EIF2B3: variants seen among roughly 807,000 people sequenced by gnomAD.
EIF2B3 encodes translation initiation factor eIF2B subunit gamma.
EIF2B3 carries 20 observed loss-of-function variants against 54.1 expected under a neutral mutation model. The ratio of observed to expected loss-of-function variants is 0.37; its 90% CI spans 0.26 to 0.54. The LOEUF (loss-of-function observed/expected upper bound fraction) is 0.54. Among genes scored for constraint, EIF2B3 ranks in the 20% least tolerant of loss-of-function variants. The probability of loss-of-function intolerance (pLI) is 0.86; values close to 1 mark genes in which losing one functional copy is unlikely to be tolerated. For missense variants in EIF2B3, 448 were observed against 547.8 expected, an observed-to-expected ratio of 0.82 and a Z score of 1.82; for synonymous variants, 153 against 188.1, an observed-to-expected ratio of 0.81 and a Z score of 1.52.
intron 3 of EIF2B3, among the ~76,000 whole-genome samples, chr1:44,954,137 T>C (rs555509609): frequency 7.6e-4 from 116 of 152,288 alleles, no homozygotes; most frequent in African/African-American, 2.7e-3. Context: ...TCTTCATATC[T>C]ATGCAGCAAA....
At chr1:44,945,478 C>G (rs1644090508) in intron 3 of EIF2B3, among the ~76,000 whole-genome samples, 3 of 151,140 alleles carry the variant, frequency 2.0e-5, no homozygotes, top group African/African-American at 7.3e-5. Context: ...GGCATGAACC[C>G]AGGGGGCGGA....
At chr1:44,957,861 A>AT (rs1644243855) in intron 3 of EIF2B3, among the ~76,000 whole-genome samples, 1 of 152,222 alleles carries the variant, frequency 6.6e-6, no homozygotes, top group Non-Finnish European at 1.5e-5. Context: ...ACACTGTCAT[A>AT]TATTGTTGCT....
Position 44,952,193 on chromosome 1 carries a change from G to T in EIF2B3, c.295-10528C>A, listed in dbSNP as rs1418349802. On this transcript the variant is annotated intron_variant, in intron 3 of 11. Transcript: ENST00000360403. ...TTAGCCAGGATGGTCTCGATCTCCT[G>T]ACCTCGTGATCCGCCCGCCTCGGCC... Among the ~76,000 whole-genome samples the T allele has an allele frequency of 6.5e-5, 9 of 138,514 alleles. 1 individual carries two copies. Among genetic ancestry groups the T allele is most frequent in the South Asian group, 2.3e-4 (1 of 4,260 alleles). 90.9% of individuals were successfully genotyped at this position (138,514 alleles called of 152,430 possible).
chr1:44,986,161 G>A (rs1165682144), intron 1 of EIF2B3, among the ~76,000 whole-genome samples: 1 of 141,328 alleles, frequency 7.1e-6, no homozygotes, highest in Non-Finnish European at 1.5e-5. Flanking sequence ...TTTTTGAAAC[G>A]GAGAGTCTCA....
chr1:44,875,443 G>A (rs1343594428), intron 9 of EIF2B3, among the ~76,000 whole-genome samples, 175 bp downstream of exon 9: 1 of 152,158 alleles, frequency 6.6e-6, no homozygotes, highest in Non-Finnish European at 1.5e-5. Flanking sequence ...TTCCTTACAA[G>A]GTCATTACTT....
At chr1:44,945,282 C>T (rs1017011349) in intron 3 of EIF2B3, among the ~76,000 whole-genome samples, 5 of 151,628 alleles carry the variant, frequency 3.3e-5, no homozygotes, top group Non-Finnish European at 7.4e-5. Flanking sequence ...CCACTGGGCG[C>T]GGTGGCTCAC....
Position 44,881,282 on chromosome 1 carries a change from TGCCTAGA to T in EIF2B3, c.784+323_784+329del, listed in dbSNP as rs1434502813. Among the ~76,000 whole-genome samples the T allele has an allele frequency of 1.3e-5, 2 of 152,196 alleles. No individual in the cohort carries two copies. Among genetic ancestry groups the T allele is most frequent in the Non-Finnish European group, 2.9e-5 (2 of 68,022 alleles). Reference sequence around the variant, plus strand: ...GGTTGAGTTTAATCAGGAACGGGGCTGCCTAGAGCCTAGAGAACAGGGGAACTAAGAA... The same window carrying T: ...GGTTGAGTTTAATCAGGAACGGGGCTGCCTAGAGAACAGGGGAACTAAGAA... On this transcript the variant is annotated intron_variant, in intron 7 of 11. Transcript: ENST00000360403. The surrounding 1 kb of genome is among the most constrained non-coding windows in gnomAD (Gnocchi z 4.0).
At position 44,952,219 on chromosome 1, in the gene EIF2B3, T is replaced by C. The variant is rs1468829520; in HGVS notation, c.295-10554A>G. Among the ~76,000 whole-genome samples, 3 of 120,836 alleles carry C rather than the reference T, an allele frequency of 2.5e-5. 1 individual carries two copies. Among genetic ancestry groups the C allele is most frequent in the East Asian group, 2.5e-4 (1 of 4,076 alleles). The allele number at this position is 120,836 out of a possible 152,430, so 79.3% of individuals were successfully genotyped here. On this transcript the variant is annotated intron_variant, in intron 3 of 11. Coordinates refer to ENST00000360403, the MANE Select transcript of EIF2B3 (RefSeq NM_020365.5). ...ACCTCGTGATCCGCCCGCCTCGGCC[T>C]CCCAAAGTGCTGGGATTACAGGCGT...
At chr1:44,889,521 A>G (rs1161566724) in intron 6 of EIF2B3, among the ~76,000 whole-genome samples, 1 of 151,300 alleles carries the variant, frequency 6.6e-6, no homozygotes, top group East Asian at 1.9e-4. Context: ...TGGGTGACAG[A>G]GCGAGGATCC....
At chr1:44,968,739 A>T (rs1004496872) in intron 3 of EIF2B3, among the ~76,000 whole-genome samples, 4 of 152,078 alleles carry the variant, frequency 2.6e-5, no homozygotes, top group African/African-American at 7.2e-5. Context: ...TCTACTAAAA[A>T]TACAAAAATT....
At chr1:44,944,671 T>C (rs192400912) in intron 3 of EIF2B3, among the ~76,000 whole-genome samples, 10 of 152,096 alleles carry the variant, frequency 6.6e-5, no homozygotes, top group African/African-American at 2.4e-4. Context: ...TAAAATTTTT[T>C]AAAAGTTAGC....
At chr1:44,941,726 A>G in intron 3 of EIF2B3, 61 bp from the exon 4 acceptor site, 1 of 1,596,752 alleles carries the variant, frequency 6.3e-7, no homozygotes, top group Non-Finnish European at 8.6e-7. Flanking sequence ...ACAAATCATC[A>G]CAAGACAAAA....
At chr1:44,968,192 T>C (rs1644365196) in intron 3 of EIF2B3, among the ~76,000 whole-genome samples, 1 of 151,660 alleles carries the variant, frequency 6.6e-6, no homozygotes, top group Non-Finnish European at 1.5e-5. Flanking sequence ...GGCAAAACCC[T>C]GTCTCTGCAA....
At chr1:44,934,921 G>A (rs1489627548) in intron 4 of EIF2B3, among the ~76,000 whole-genome samples, 1 of 152,222 alleles carries the variant, frequency 6.6e-6, no homozygotes, top group Admixed American at 6.5e-5. Flanking sequence ...AAAGAAAGCT[G>A]TAGCAAAAGA....
At chr1:44,871,048 C>T (rs185382394) in intron 10 of EIF2B3, among the ~76,000 whole-genome samples, 12 of 152,302 alleles carry the variant, frequency 7.9e-5, no homozygotes, top group African/African-American at 2.6e-4. Flanking sequence ...CTGTACGTCA[C>T]CATGCATTCA....
At chr1:44,855,277 A>T (rs998064507) in intron 11 of EIF2B3, among the ~76,000 whole-genome samples, 2 of 152,124 alleles carry the variant, frequency 1.3e-5, no homozygotes, top group African/African-American at 4.8e-5. Context: ...GCCCTCCTTC[A>T]GCAGGACCAT....
chr1:44,938,812 AAG>A (rs891248670), intron 4 of EIF2B3, among the ~76,000 whole-genome samples: 1 of 151,996 alleles, frequency 6.6e-6, no homozygotes, highest in Non-Finnish European at 1.5e-5. Context: ...GAAAGAAAGA[AAG>A]AGGCCAAGTG....
chr1:44,883,658 C>T (rs1191706716), intron 6 of EIF2B3, among the ~76,000 whole-genome samples: 1 of 152,196 alleles, frequency 6.6e-6, no homozygotes, highest in Non-Finnish European at 1.5e-5. Flanking sequence ...CCTCAGAATT[C>T]TGGGGGAGGC....
intron 10 of EIF2B3, among the ~76,000 whole-genome samples, chr1:44,860,424 T>C (rs1004160615): frequency 2.6e-5 from 4 of 152,156 alleles, no homozygotes; most frequent in Non-Finnish European, 5.9e-5. Flanking sequence ...AGGTCTCGGA[T>C]AGGAGCTAAA....
Sources: gnomAD v4.1 joint callset for allele counts (sites outside exome capture counted in the v4.1 genomes callset) on GRCh38, gnomAD v4.1.1 for gene constraint, Gnocchi (gnomAD v3.1) non-coding constraint, MANE v1.5 for transcripts, NCBI Gene and HGNC (gene_info 2026-07-23, HGNC 2026-07-21) for gene names.